The following JAZF1 variants were observed in gnomAD, a reference collection of about 807,000 sequenced individuals.
The protein encoded by JAZF1 is juxtaposed with another zinc finger protein 1.
In JAZF1, 8 loss-of-function variants were observed where a neutral mutation model predicts 26.4. The ratio of observed to expected loss-of-function variants is 0.30; its 90% CI spans 0.18 to 0.55. JAZF1 has a LOEUF of 0.55. Among genes scored for constraint, JAZF1 ranks in the 20% least tolerant of loss-of-function variants. The probability of loss-of-function intolerance (pLI) is 0.94; values close to 1 mark genes in which losing one functional copy is unlikely to be tolerated. For missense variants in JAZF1, 199 were observed against 322.0 expected (o/e 0.62, Z 2.92); for synonymous variants, 126 against 122.3 (o/e 1.03, Z -0.20).
At chr7:27,900,337 T>G (rs77942760) in intron 2 of JAZF1, among the ~76,000 whole-genome samples, 3,066 of 152,362 alleles carry the variant, frequency 0.02, 101 homozygotes, top group African/African-American at 0.069. Flanking sequence ...GATATTTAAC[T>G]CAAGGCTCAT....
At chr7:27,912,228 A>G (rs1784369568) in intron 2 of JAZF1, among the ~76,000 whole-genome samples, 1 of 152,222 alleles carries the variant, frequency 6.6e-6, no homozygotes, top group Non-Finnish European at 1.5e-5. Context: ...AGGGTACTTT[A>G]CAATAATTTT....
In JAZF1 at chr7:28,048,322, A is replaced by C. The variant is rs1783532161; in HGVS notation, c.116-56341T>G. ...CAAAGAGATTAGTTTTATTTAATCA[A>C]ATCCATTAGGTTTTTGTCTTTAATC... On this transcript the variant is annotated intron_variant, in intron 1 of 4. Transcript: ENST00000283928. Among the ~76,000 whole-genome samples the C allele has an allele frequency of 2.0e-5, 3 of 152,342 alleles. No homozygotes were observed. The South Asian group carries it at 6.2e-4, about 32-fold the overall frequency.
At chr7:27,856,184 T>G (rs1485565250) in intron 3 of JAZF1, among the ~76,000 whole-genome samples, 1 of 152,184 alleles carries the variant, frequency 6.6e-6, no homozygotes, top group Non-Finnish European at 1.5e-5. Flanking sequence ...GTTCAGAGTT[T>G]CTTCCTTCTG....
intron 2 of JAZF1, among the ~76,000 whole-genome samples, chr7:27,939,482 C>T (rs114361819): frequency 0.012 from 1,839 of 152,314 alleles, 41 homozygotes; most frequent in African/African-American, 0.043. Flanking sequence ...GTTTTAGAGG[C>T]CCCTGGATCT....
intron 1 of JAZF1, among the ~76,000 whole-genome samples, chr7:28,125,372 G>A (rs1216194081): frequency 2.0e-5 from 3 of 152,078 alleles, no homozygotes; most frequent in Non-Finnish European, 2.9e-5. Context: ...ACAATTTACC[G>A]AGGGGGAAAA....
intron 1 of JAZF1, among the ~76,000 whole-genome samples, chr7:28,123,427 A>T (rs1782636419): frequency 1.3e-5 from 2 of 152,114 alleles, no homozygotes. Flanking sequence ...ATTAAAGTCT[A>T]TTTCCCCACT....
intron 1 of JAZF1, among the ~76,000 whole-genome samples, chr7:28,016,659 C>T (rs953924668): frequency 6.6e-6 from 1 of 152,176 alleles, no homozygotes; most frequent in African/African-American, 2.4e-5. Context: ...CTGGCTCCCC[C>T]TGCCCTTACT....
At chr7:28,155,476 T>C (rs914245339) in intron 1 of JAZF1, among the ~76,000 whole-genome samples, 3 of 152,196 alleles carry the variant, frequency 2.0e-5, no homozygotes, top group Admixed American at 2.0e-4. Flanking sequence ...TTATACGGTC[T>C]TCATTCTTCC....
intron 3 of JAZF1, among the ~76,000 whole-genome samples, chr7:27,883,339 T>C (rs1268593141): frequency 2.0e-5 from 3 of 152,204 alleles, no homozygotes; most frequent in Non-Finnish European, 4.4e-5. Flanking sequence ...GTAAAGACCT[T>C]TGAGATTTCT....
chr7:28,104,843 T>C (rs547763704), intron 1 of JAZF1, among the ~76,000 whole-genome samples: 1 of 152,174 alleles, frequency 6.6e-6, no homozygotes, highest in South Asian at 2.1e-4. Flanking sequence ...CACCGAAGAG[T>C]GCAAACAGTG....
chr7:27,864,631 T>G (rs1464190556), intron 3 of JAZF1, among the ~76,000 whole-genome samples: 1 of 152,162 alleles, frequency 6.6e-6, no homozygotes, highest in Non-Finnish European at 1.5e-5. Flanking sequence ...AGAAACCACC[T>G]GAGTAGCACC....
intron 2 of JAZF1, among the ~76,000 whole-genome samples, chr7:27,959,907 A>C (rs1785161498): frequency 6.6e-6 from 1 of 152,072 alleles, no homozygotes; most frequent in African/African-American, 2.4e-5. Flanking sequence ...CTCAAAAAAA[A>C]AAAAAAAATG....
At chr7:28,160,703 T>C (rs1394329654) in intron 1 of JAZF1, among the ~76,000 whole-genome samples, 1 of 152,218 alleles carries the variant, frequency 6.6e-6, no homozygotes, top group East Asian at 1.9e-4. Context: ...AAGGTCACGA[T>C]ATATTTATCG....
At chr7:27,934,581 C>G (rs750731017) in intron 2 of JAZF1, among the ~76,000 whole-genome samples, 10 of 152,156 alleles carry the variant, frequency 6.6e-5, no homozygotes, top group Non-Finnish European at 1.3e-4. Flanking sequence ...GCGGTAGCCT[C>G]TGGAGCACTT....
intron 1 of JAZF1, among the ~76,000 whole-genome samples, chr7:27,998,172 G>A (rs554872558): frequency 3.9e-5 from 6 of 152,070 alleles, no homozygotes; most frequent in African/African-American, 1.4e-4. Context: ...CCTGGTACTG[G>A]CAGGGCTAGG....
At chr7:27,862,484 T>C (rs188354585) in intron 3 of JAZF1, among the ~76,000 whole-genome samples, 30 of 148,894 alleles carry the variant, frequency 2.0e-4, no homozygotes, top group Non-Finnish European at 3.1e-4. Flanking sequence ...TCAAGCGTAC[T>C]GCTCAAGGTT....
chr7:27,850,620 GGGAA>G, intron 3 of JAZF1, among the ~76,000 whole-genome samples: 1 of 152,282 alleles, frequency 6.6e-6, no homozygotes, highest in Admixed American at 6.5e-5. Flanking sequence ...GAGTTCAGAC[GGGAA>G]GGAGGACCCA....
intron 2 of JAZF1, among the ~76,000 whole-genome samples, chr7:27,991,387 TGC>T (rs1785899767): frequency 2.0e-5 from 3 of 152,156 alleles, no homozygotes; most frequent in Non-Finnish European, 2.9e-5. Flanking sequence ...TTTGAAATGG[TGC>T]TCTGAAGTTG....
intron 1 of JAZF1, among the ~76,000 whole-genome samples, chr7:28,040,510 C>T (rs146829667): frequency 6.6e-6 from 1 of 152,290 alleles, no homozygotes; most frequent in East Asian, 1.9e-4. Context: ...CAGTTGGCTA[C>T]ACAAAGTCTG....
Sources: allele counts gnomAD v4.1 joint callset (sites outside exome capture counted in the v4.1 genomes callset), GRCh38; gene constraint gnomAD v4.1.1; transcripts MANE v1.5; gene names NCBI Gene and HGNC (gene_info 2026-07-23, HGNC 2026-07-21).